Variants in COBL observed in about 807,000 individuals in gnomAD.
COBL encodes cordon-bleu WH2 repeat protein.
Under a neutral mutation model 98.8 loss-of-function variants are expected in COBL, and 51 were observed. That is an observed-to-expected ratio of 0.52 (90% CI 0.41 to 0.65). The LOEUF (loss-of-function observed/expected upper bound fraction) is 0.65, where lower values mean the gene tolerates loss of function less well. Ranked by LOEUF, COBL falls within the 30% of genes least tolerant of loss-of-function variation. The probability of loss-of-function intolerance (pLI) is 0.00; values close to 1 mark genes in which losing one functional copy is unlikely to be tolerated. For synonymous variants in COBL, 634 were observed against 651.7 expected (o/e 0.97, Z 0.41); for missense variants, 1,617 against 1,617.5 (o/e 1.00, Z 0.01).
intron 1 of COBL, among the ~76,000 whole-genome samples, chr7:51,298,423 C>A (rs75556960): frequency 1.3e-5 from 2 of 152,236 alleles, no homozygotes; most frequent in Non-Finnish European, 2.9e-5. Flanking sequence ...CTATTCAGGG[C>A]TAATTGTGCA....
chr7:51,193,174 T>C (rs1267898664), intron 3 of COBL, among the ~76,000 whole-genome samples: 1 of 152,228 alleles, frequency 6.6e-6, no homozygotes, highest in Non-Finnish European at 1.5e-5. Flanking sequence ...AAAGAAGCAA[T>C]GTTACAACAA....
intron 7 of COBL, chr7:51,083,247 G>C: frequency 7.0e-7 from 1 of 1,438,644 alleles, no homozygotes; most frequent in Non-Finnish European, 9.1e-7. Context: ...AATCAACAGG[G>C]AGTTACTTCA....
chr7:51,155,566 G>C (rs890195975), intron 5 of COBL, among the ~76,000 whole-genome samples: 5 of 122,788 alleles, frequency 4.1e-5, no homozygotes, highest in Admixed American at 9.8e-5. Flanking sequence ...CTCCAGCCTA[G>C]GTGACAGAGC....
At chr7:51,207,073 T>C (rs548516058) in intron 2 of COBL, among the ~76,000 whole-genome samples, 1 of 152,332 alleles carries the variant, frequency 6.6e-6, no homozygotes, top group South Asian at 2.1e-4. Context: ...ATGTGTTAAC[T>C]ACTTTGTGGC....
chr7:51,243,891 G>C (rs532984833), intron 1 of COBL, among the ~76,000 whole-genome samples: 107 of 152,210 alleles, frequency 7.0e-4, no homozygotes, highest in Admixed American at 6.5e-4. Context: ...TCTTGGTTTT[G>C]GTATTGTCCT....
chr7:51,017,600 T>A, intron 12 of COBL, 32 bp from the exon 13 acceptor site: 1 of 1,612,814 alleles, frequency 6.2e-7, no homozygotes, highest in East Asian at 2.2e-5. Flanking sequence ...AGTTATTTGG[T>A]ATGTCAATAA....
intron 2 of COBL, among the ~76,000 whole-genome samples, chr7:51,200,231 C>T (rs1199715217): frequency 2.0e-5 from 3 of 152,090 alleles, no homozygotes; most frequent in African/African-American, 7.2e-5. Flanking sequence ...AAGTTTGTCA[C>T]CACTAGACCT....
chr7:51,035,532 C>T (rs1287366359), intron 8 of COBL: 1 of 152,154 alleles, frequency 6.6e-6, no homozygotes, highest in Non-Finnish European at 1.5e-5. Context: ...TGCTTAACCT[C>T]CCCCTTCCAT....
chr7:51,198,595 T>C (rs1790810781), intron 2 of COBL, among the ~76,000 whole-genome samples: 1 of 152,248 alleles, frequency 6.6e-6, no homozygotes, highest in African/African-American at 2.4e-5. Context: ...TCTTTTCCTA[T>C]GAATTTCCCA....
chr7:51,125,317 G>C (rs2128994314), intron 6 of COBL, among the ~76,000 whole-genome samples: 1 of 152,340 alleles, frequency 6.6e-6, no homozygotes, highest in South Asian at 2.1e-4. Flanking sequence ...CAGCAAGACA[G>C]CTGTCTGCAA....
intron 1 of COBL, among the ~76,000 whole-genome samples, chr7:51,276,589 G>A (rs1308015562): frequency 2.6e-5 from 4 of 152,096 alleles, no homozygotes; most frequent in South Asian, 2.1e-4. Context: ...CCTCCAACCC[G>A]CCAGGGACTG....
chr7:51,044,258 T>C (rs181833532), intron 7 of COBL, among the ~76,000 whole-genome samples: 10 of 152,300 alleles, frequency 6.6e-5, no homozygotes, highest in Admixed American at 1.3e-4. Flanking sequence ...CTGGCTCCTA[T>C]GCACTAAATG....
At chr7:51,254,344 C>A (rs1040309235) in intron 1 of COBL, among the ~76,000 whole-genome samples, 1 of 152,122 alleles carries the variant, frequency 6.6e-6, no homozygotes, top group Non-Finnish European at 1.5e-5. Flanking sequence ...ATACTGTAGT[C>A]CTTCTGGTAC....
intron 1 of COBL, among the ~76,000 whole-genome samples, chr7:51,261,084 C>A (rs571592814): frequency 6.6e-6 from 1 of 152,192 alleles, no homozygotes; most frequent in African/African-American, 2.4e-5. Flanking sequence ...TGCTCACACA[C>A]GCCAAGCTCA....
intron 1 of COBL, among the ~76,000 whole-genome samples, chr7:51,231,417 A>G (rs1335338847): frequency 6.6e-6 from 1 of 152,114 alleles, no homozygotes; most frequent in Non-Finnish European, 1.5e-5. Flanking sequence ...TCCATCCTCT[A>G]CCAAACCAAG....
chr7:51,057,087 C>A (rs986558044), intron 7 of COBL, among the ~76,000 whole-genome samples: 1 of 152,188 alleles, frequency 6.6e-6, no homozygotes, highest in African/African-American at 2.4e-5. Context: ...GCCTGTGAGT[C>A]ACTTAGCAGT....
At chr7:51,118,800 A>G (rs1320069697) in intron 6 of COBL, among the ~76,000 whole-genome samples, 1 of 152,106 alleles carries the variant, frequency 6.6e-6, no homozygotes, top group Non-Finnish European at 1.5e-5. Context: ...TGTCCTCCAA[A>G]TATCCCTCCT....
chr7:51,225,029 T>G (rs1243261453), intron 1 of COBL, among the ~76,000 whole-genome samples: 1 of 152,134 alleles, frequency 6.6e-6, no homozygotes, highest in Non-Finnish European at 1.5e-5. Context: ...GGATGGCCTG[T>G]GCACGTGGAT....
chr7:51,221,627 T>G (rs1793647285), intron 1 of COBL, among the ~76,000 whole-genome samples: 1 of 152,212 alleles, frequency 6.6e-6, no homozygotes, highest in Admixed American at 6.5e-5. Flanking sequence ...GAGGTCTACA[T>G]TAATTATAGC....
Sources: allele counts gnomAD v4.1 joint callset (sites outside exome capture counted in the v4.1 genomes callset), GRCh38; gene constraint gnomAD v4.1.1; transcripts MANE v1.5; gene names NCBI Gene and HGNC (gene_info 2026-07-23, HGNC 2026-07-21).